The following DMBT1 variants were observed in gnomAD, a reference collection of about 807,000 sequenced individuals.
DMBT1 encodes scavenger receptor cysteine-rich domain-containing protein DMBT1.
Under a neutral mutation model 252.9 loss-of-function variants are expected in DMBT1, and 198 were observed. That is an observed-to-expected ratio of 0.78 (90% CI 0.70 to 0.88). The LOEUF (loss-of-function observed/expected upper bound fraction) is 0.88, where lower values mean the gene tolerates loss of function less well. Among genes scored for constraint, DMBT1 ranks in the 40% least tolerant of loss-of-function variants. DMBT1 has a pLI of 0.00. For missense variants in DMBT1, 2,432 were observed against 2,404.7 expected (o/e 1.01, Z -0.24); for synonymous variants, 990 against 942.7 (o/e 1.05, Z -0.92).
chr10:122,624,336 A>G (rs11499278), intron 44 of DMBT1, among the ~76,000 whole-genome samples: 4,006 of 152,252 alleles, frequency 0.026, 178 homozygotes, highest in African/African-American at 0.09. Flanking sequence ...AGGGTTCTAG[A>G]AAACAACCCT....
In DMBT1 at chr10:122,617,998, T is replaced by A. The variant is rs749013794; in HGVS notation, c.4892-19T>A. On this transcript the variant is annotated intron_variant, in intron 40 of 55. Coordinates refer to ENST00000338354, the MANE Select transcript of DMBT1 (RefSeq NM_001377530.1). ...CCTCCTGGTGGGGATGGATGAAGGG[T>A]TCTTGTGTTCCCCTGTAGGATCTGA... 3.0e-5 allele frequency: 49 copies of A among 1,611,696 alleles called. No individual in the cohort carries two copies. The East Asian group carries it at 1.1e-3, about 35-fold the overall frequency.
intron 40 of DMBT1, 47 bp from the exon 41 acceptor site, chr10:122,617,970 T>C (rs771717880): frequency 7.0e-5 from 112 of 1,607,488 alleles, no homozygotes; most frequent in Middle Eastern, 2.2e-4. Flanking sequence ...CTTAGATTGT[T>C]GACCTCCTGG....
At chr10:122,579,516 C>T (rs1254873011) in intron 9 of DMBT1, 62 bp from the exon 10 acceptor site, 10 of 1,609,732 alleles carry the variant, frequency 6.2e-6, no homozygotes, top group Non-Finnish European at 7.6e-6. Context: ...GAGTGTGGAA[C>T]TTACCTTAGA....
chr10:122,579,535 C>A (rs781746187), intron 9 of DMBT1, 43 bp from the exon 10 acceptor site: 12 of 1,611,746 alleles, frequency 7.4e-6, no homozygotes, highest in Admixed American at 1.7e-5. Flanking sequence ...GATTCTTGAC[C>A]TCATGATAGG....
At chr10:122,621,659 G>T (rs2098070366) in intron 44 of DMBT1, among the ~76,000 whole-genome samples, 1 of 152,178 alleles carries the variant, frequency 6.6e-6, no homozygotes, top group Non-Finnish European at 1.5e-5. Context: ...GCTCCCCAGG[G>T]CTCCATTTCT....
At chr10:122,593,719 C>G in intron 21 of DMBT1, 121 bp downstream of exon 21, 2 of 1,319,768 alleles carry the variant, frequency 1.5e-6, no homozygotes, top group Admixed American at 2.1e-5. Flanking sequence ...TATTTCCACC[C>G]CCAACACCGG....
intron 1 of DMBT1, 22 bp downstream of exon 1, chr10:122,560,853 T>G (rs1268588836): frequency 9.8e-6 from 15 of 1,530,994 alleles, no homozygotes; most frequent in South Asian, 1.2e-5. Flanking sequence ...AATTATTATA[T>G]TCATTAATTT....
intron 44 of DMBT1, 65 bp from the exon 45 acceptor site, chr10:122,625,212 A>G: frequency 1.3e-6 from 2 of 1,512,474 alleles, no homozygotes; most frequent in South Asian, 2.3e-5. Flanking sequence ...ACAGGCACTC[A>G]GCATTTCTCT....
chr10:122,597,514 T>C lies in DMBT1; in HGVS notation c.2917+460T>C, dbSNP rs535692241. 2.6e-5 allele frequency among the ~76,000 whole-genome samples: 4 copies of C among 152,310 alleles called. No homozygotes were observed. The South Asian group carries it at 8.3e-4, about 32-fold the overall frequency. ...TCACTCCTTCCAACACCCCAGATTC[T>C]GCAGGGCTACATGTGCATCCAGAAG... On this transcript the variant is annotated intron_variant, in intron 24 of 55. Coordinates refer to ENST00000338354, the MANE Select transcript of DMBT1 (RefSeq NM_001377530.1).
intron 55 of DMBT1, among the ~76,000 whole-genome samples, chr10:122,642,060 T>C (rs1049929362): frequency 6.6e-6 from 1 of 152,084 alleles, no homozygotes; most frequent in Admixed American, 6.5e-5. Context: ...TTACGGCAAA[T>C]GCAATGACTG....
chr10:122,625,704 C>A (rs2098113897), intron 45 of DMBT1, among the ~76,000 whole-genome samples: 1 of 152,216 alleles, frequency 6.6e-6, no homozygotes, highest in African/African-American at 2.4e-5. Context: ...TTTGAGGGAG[C>A]CATCCGCAAA....
At chr10:122,628,707 A>G (rs1214469379) in intron 46 of DMBT1, among the ~76,000 whole-genome samples, 1 of 152,242 alleles carries the variant, frequency 6.6e-6, no homozygotes, top group Non-Finnish European at 1.5e-5. Context: ...TTGAAAACAC[A>G]TTGAGAAGTC....
chr10:122,574,468 A>G (rs1166798261), intron 6 of DMBT1, among the ~76,000 whole-genome samples: 1 of 152,088 alleles, frequency 6.6e-6, no homozygotes, highest in Non-Finnish European at 1.5e-5. Flanking sequence ...CTGATGGTAC[A>G]TGCATCGGGC....
rs530903626 is a variant in DMBT1 at position 122,590,765 on chromosome 10, A to T, written c.2137+71A>T. 8 of 1,533,422 alleles carry T rather than the reference A, an allele frequency of 5.2e-6. No homozygotes were observed. The East Asian group carries it at 1.9e-4, about 36-fold the overall frequency. The allele number at this position is 1,533,422 out of a possible 1,614,324, so 95.0% of individuals were successfully genotyped here. A position where few individuals can be genotyped will look rare whatever the true frequency, so the allele number is the denominator to read the frequency against. ...ACAATTATCCTTTTTCCCATTCCAC[A>T]GAGCCCTCCTTCTTACCTGTGTGGA... On this transcript the variant is annotated intron_variant, in intron 18 of 55. Transcript: ENST00000338354.
Position 122,576,414 on chromosome 10 carries a change from T to C in DMBT1, c.299T>C (p.Leu100Ser). 6.2e-7 allele frequency: 1 copy of C among 1,613,870 alleles called. No individual in the cohort carries two copies. The change falls in exon 7 of 56, where the codon TTG (leucine) becomes TCG (serine). Residue 100 changes from leucine to serine, a missense_variant. Leu to Ser is a moderately radical substitution (Grantham distance 145). This residue lies in a region of DMBT1 where 1,264 missense variants were observed against 1,082.2 expected (regional missense o/e 1.17). Coordinates refer to ENST00000338354, the MANE Select transcript of DMBT1 (RefSeq NM_001377530.1). ...CTTCCTCTAGGATCTGATTCTGGTT[T>C]GGCCCTGAGGCTGGTGAATGGAGAT... Reference protein sequence around the residue: ...STVAEGSDSGLALRLVNGDGR... With the variant: ...STVAEGSDSGSALRLVNGDGR...
At chr10:122,588,526 C>T (rs1375375441) in intron 16 of DMBT1, among the ~76,000 whole-genome samples, 1 of 149,324 alleles carries the variant, frequency 6.7e-6, no homozygotes, top group African/African-American at 2.4e-5. Flanking sequence ...GTGACAGTTT[C>T]TGTCCCTGCA....
rs912249723 is a variant in DMBT1 at position 122,599,169 on chromosome 10, C to G, written c.3280+72C>G. On this transcript the variant is annotated intron_variant, in intron 26 of 55. Coordinates refer to ENST00000338354, the MANE Select transcript of DMBT1 (RefSeq NM_001377530.1). ...TCCAGAAGAAACTCCTAATTACATT[C>G]TGATCTCCTCACTCAAAGCTTCTTC... 2.2e-5 allele frequency: 36 copies of G among 1,607,586 alleles called. No homozygotes were observed. The South Asian group carries it at 4.0e-4, about 18-fold the overall frequency.
At chr10:122,563,901 CTG>C (rs1045972663) in intron 1 of DMBT1, among the ~76,000 whole-genome samples, 1 of 152,126 alleles carries the variant, frequency 6.6e-6, no homozygotes, top group African/African-American at 2.4e-5. Context: ...GTCAGGTAGA[CTG>C]TGTTTAAATG....
At position 122,578,729 on chromosome 10, in the gene DMBT1, G is replaced by T; in HGVS notation, c.649G>T (p.Val217Phe). The T allele has an allele frequency of 4.3e-6, 7 of 1,609,304 alleles. No individual in the cohort carries two copies. The highest frequency in any genetic ancestry group is 5.9e-6 in the Non-Finnish European group (7 of 1,177,654). The change falls in exon 9 of 56, where the codon GTC becomes TTC. Residue 217 changes from valine to phenylalanine, a missense_variant. Physicochemically the swap from Val to Phe is conservative, Grantham distance 50 (BLOSUM62 -1). Around this residue, in one of 3 missense-constraint regions of DMBT1, gnomAD observed 1,264 missense variants for 1,082.2 expected, o/e 1.17. Coordinates refer to ENST00000338354, the MANE Select transcript of DMBT1 (RefSeq NM_001377530.1). ...GTTGCTGTTTACAGAAAGTTGGCCT[G>T]TCAGGATATCACCACCTGTACCCAC... is the stretch of plus-strand genomic sequence containing the variant. ...QSTLRPESWP[V>F]RISPPVPTEG... is the part of the protein sequence containing the mutation.
Sources: gnomAD v4.1 joint callset for allele counts (sites outside exome capture counted in the v4.1 genomes callset) on GRCh38, gnomAD v4.1.1 for gene constraint, gnomAD v4.1.1 regional missense constraint, MANE v1.5 for transcripts, NCBI Gene and HGNC (gene_info 2026-07-23, HGNC 2026-07-21) for gene names.